The following RBMS3 variants were observed in gnomAD, a reference collection of about 807,000 sequenced individuals.
RBMS3 encodes the protein RNA-binding motif, single-stranded-interacting protein 3.
In RBMS3, 27 loss-of-function variants were observed where a neutral mutation model predicts 66.8. The ratio of observed to expected loss-of-function variants is 0.40; its 90% confidence interval spans 0.30 to 0.56. RBMS3 has a LOEUF of 0.56. RBMS3 is among the 20% of genes least tolerant of loss of function. The pLI, the probability that RBMS3 is intolerant of heterozygous loss-of-function variation, is 0.40. For missense variants in RBMS3, 513 were observed against 549.5 expected, an observed-to-expected ratio of 0.93 and a Z score of 0.66; for synonymous variants, 188 against 183.0, an observed-to-expected ratio of 1.03 and a Z score of -0.22.
At chr3:29,610,371 A>C (rs2048453898) in intron 4 of RBMS3, among the ~76,000 whole-genome samples, 1 of 151,954 alleles carries the variant, frequency 6.6e-6, no homozygotes, top group Non-Finnish European at 1.5e-5. Context: ...GATAAGACTG[A>C]CTCTCACCAC....
At chr3:29,614,261 C>G (rs1419578110) in intron 4 of RBMS3, among the ~76,000 whole-genome samples, 1 of 152,010 alleles carries the variant, frequency 6.6e-6, no homozygotes, top group Non-Finnish European at 1.5e-5. Flanking sequence ...TATGTGGAAT[C>G]AGAAAAAGCA....
In RBMS3 at chr3:29,472,777, G is replaced by A. The variant is rs572637333; in HGVS notation, c.249-15664G>A. On this transcript the variant is annotated intron_variant, in intron 2 of 14. Transcript: ENST00000383767. ...GAGTGTTACAGCTCATAAAGGCAGTGTGGACCCAAAGAGTGAGCAGCAGCA... is the reference window on the plus strand; with the variant it reads ...GAGTGTTACAGCTCATAAAGGCAGTATGGACCCAAAGAGTGAGCAGCAGCA... Among the ~76,000 whole-genome samples the A allele has an allele frequency of 1.6e-3, 248 of 152,248 alleles. 1 individual carries two copies. The highest frequency in any genetic ancestry group is 5.8e-3 in the African/African-American group (242 of 41,546).
At chr3:29,717,755 A>G (rs2053461721) in intron 4 of RBMS3, among the ~76,000 whole-genome samples, 1 of 152,166 alleles carries the variant, frequency 6.6e-6, no homozygotes, top group Non-Finnish European at 1.5e-5. Context: ...TGATTCTAGT[A>G]TAAACTTCAA....
At chr3:30,003,409 A>C (rs1699698941) in intron 14 of RBMS3, among the ~76,000 whole-genome samples, 1 of 151,972 alleles carries the variant, frequency 6.6e-6, no homozygotes, top group Non-Finnish European at 1.5e-5. Context: ...AAAGAGAATA[A>C]AACTGCATTG....
intron 3 of RBMS3, among the ~76,000 whole-genome samples, chr3:29,516,268 G>T (rs1265374460): frequency 1.3e-5 from 2 of 152,166 alleles, no homozygotes; most frequent in African/African-American, 4.8e-5. Context: ...TATTGAGTTT[G>T]ATGTATTTCT....
At chr3:29,484,497 A>T (rs1253112778) in intron 2 of RBMS3, among the ~76,000 whole-genome samples, 1 of 152,134 alleles carries the variant, frequency 6.6e-6, no homozygotes, top group Non-Finnish European at 1.5e-5. Flanking sequence ...TTTTACCTTA[A>T]TTACCTCTTT....
At chr3:29,509,605 C>G (rs1470540107) in intron 3 of RBMS3, among the ~76,000 whole-genome samples, 1 of 152,120 alleles carries the variant, frequency 6.6e-6, no homozygotes, top group African/African-American at 2.4e-5. Flanking sequence ...TGTGCTCTTC[C>G]TTGACTTGCG....
At position 29,884,181 on chromosome 3, in the gene RBMS3, A is replaced by T; in HGVS notation, c.764A>T (p.Tyr255Phe). The change falls in exon 8 of 15, where the codon TAT becomes TTT. Residue 255 changes from tyrosine (Y) to phenylalanine (F), a missense_variant. Coordinates refer to ENST00000383767, the MANE Select transcript of RBMS3 (RefSeq NM_001003793.3). ...REGEAGMALT[Y>F]DPTAAIQNGF... ...ATACAGGCTGGCATGGCTTTGACCT[A>T]TGACCCCACAGCTGCCATACAGAAT... The T allele has an allele frequency of 6.2e-7, 1 of 1,611,998 alleles. No individual in the cohort carries two copies. The highest frequency in any genetic ancestry group is 8.5e-7 in the Non-Finnish European group (1 of 1,178,612).
intron 6 of RBMS3, among the ~76,000 whole-genome samples, chr3:29,825,451 T>A (rs1309071517): frequency 6.6e-6 from 1 of 152,152 alleles, no homozygotes; most frequent in Non-Finnish European, 1.5e-5. Flanking sequence ...CCATGTGTTG[T>A]GGGAGGGACC....
intron 4 of RBMS3, among the ~76,000 whole-genome samples, chr3:29,660,177 A>G (rs754716509): frequency 6.6e-6 from 1 of 152,124 alleles, no homozygotes; most frequent in African/African-American, 2.4e-5. Context: ...TGATTGTGCA[A>G]CTGTCTACCC....
At chr3:29,714,875 C>T (rs778661319) in intron 4 of RBMS3, among the ~76,000 whole-genome samples, 1 of 152,096 alleles carries the variant, frequency 6.6e-6, no homozygotes, top group Non-Finnish European at 1.5e-5. Context: ...TTAGCAGTTA[C>T]AGACCTTGAG....
At chr3:29,849,043 A>AT (rs1260719698) in intron 6 of RBMS3, among the ~76,000 whole-genome samples, 1 of 152,056 alleles carries the variant, frequency 6.6e-6, no homozygotes, top group East Asian at 1.9e-4. Flanking sequence ...AGACCTTGAC[A>AT]TTTTTTTCTT....
intron 6 of RBMS3, among the ~76,000 whole-genome samples, chr3:29,854,164 GCTC>G (rs1274048383): frequency 6.6e-6 from 1 of 152,134 alleles, no homozygotes; most frequent in Non-Finnish European, 1.5e-5. Flanking sequence ...CCTCCTCCCA[GCTC>G]CAGGCTGAGA....
chr3:29,315,040 G>A (rs2034590809), intron 1 of RBMS3, among the ~76,000 whole-genome samples: 1 of 151,712 alleles, frequency 6.6e-6, no homozygotes, highest in Non-Finnish European at 1.5e-5. Flanking sequence ...TAGGAGCATG[G>A]CAATCTCTGG....
At chr3:29,446,912 T>G (rs2041852126) in intron 2 of RBMS3, among the ~76,000 whole-genome samples, 1 of 142,482 alleles carries the variant, frequency 7.0e-6, no homozygotes, top group Admixed American at 7.0e-5. Context: ...CAGTCTTTTT[T>G]TTTTTTTTTT....
At chr3:29,834,679 A>G (rs2058460838) in intron 6 of RBMS3, among the ~76,000 whole-genome samples, 2 of 152,058 alleles carry the variant, frequency 1.3e-5, no homozygotes. Flanking sequence ...CACTATAGAA[A>G]AGCATCAGTT....
intron 13 of RBMS3, among the ~76,000 whole-genome samples, chr3:29,989,025 A>T (rs1464693892): frequency 6.6e-6 from 1 of 152,202 alleles, no homozygotes; most frequent in African/African-American, 2.4e-5. Flanking sequence ...TAGACTGAAC[A>T]TCATATTTTT....
intron 6 of RBMS3, among the ~76,000 whole-genome samples, chr3:29,827,948 T>A (rs2058252253): frequency 6.6e-6 from 1 of 152,072 alleles, no homozygotes; most frequent in Non-Finnish European, 1.5e-5. Context: ...ACACAGTGAG[T>A]CATTTCTCTG....
At chr3:29,814,070 G>T (rs965640981) in intron 6 of RBMS3, among the ~76,000 whole-genome samples, 4 of 151,790 alleles carry the variant, frequency 2.6e-5, no homozygotes, top group African/African-American at 9.7e-5. Context: ...GTTTTCAAAG[G>T]GAATGCTTCC....
Sources: gnomAD v4.1 joint callset for allele counts (sites outside exome capture counted in the v4.1 genomes callset) on GRCh38, gnomAD v4.1.1 for gene constraint, MANE v1.5 for transcripts, NCBI Gene and HGNC (gene_info 2026-07-23, HGNC 2026-07-21) for gene names.